CCBE1: variants seen among roughly 807,000 people sequenced by gnomAD.
CCBE1 encodes collagen and calcium-binding EGF domain-containing protein 1.
Under a neutral mutation model 50.0 loss-of-function variants are expected in CCBE1, and 37 were observed. The ratio of observed to expected loss-of-function variants is 0.74; its 90% CI spans 0.57 to 0.97. The LOEUF (loss-of-function observed/expected upper bound fraction) is 0.97. CCBE1 is among the 50% of genes least tolerant of loss of function. The pLI is 0.00. For synonymous variants in CCBE1, 234 were observed against 203.7 expected, an observed-to-expected ratio of 1.15 and a Z score of -1.27; for missense variants, 538 against 523.8, an observed-to-expected ratio of 1.03 and a Z score of -0.26.
intron 2 of CCBE1, among the ~76,000 whole-genome samples, chr18:59,625,543 A>C (rs905829910): frequency 6.6e-6 from 1 of 152,196 alleles, no homozygotes; most frequent in Non-Finnish European, 1.5e-5. Context: ...ATTAAAAGCA[A>C]GCAGCAAACT....
intron 7 of CCBE1, among the ~76,000 whole-genome samples, chr18:59,443,422 C>T (rs1418526691): frequency 4.6e-5 from 7 of 151,814 alleles, no homozygotes; most frequent in African/African-American, 1.4e-4. Flanking sequence ...GGGGGCCTGA[C>T]AAGCATTTTT....
intron 2 of CCBE1, among the ~76,000 whole-genome samples, chr18:59,633,144 A>G (rs1452041050): frequency 3.9e-5 from 6 of 152,216 alleles, no homozygotes; most frequent in Non-Finnish European, 7.3e-5. Context: ...ATCTTGTAAA[A>G]TCAGCTGTGG....
chr18:59,493,557 T>A (rs202141028), intron 2 of CCBE1, among the ~76,000 whole-genome samples: 1 of 147,020 alleles, frequency 6.8e-6, no homozygotes, highest in Non-Finnish European at 1.5e-5. Context: ...TTTTTTTTTT[T>A]AACAGGTGAG....
intron 2 of CCBE1, among the ~76,000 whole-genome samples, chr18:59,589,120 A>G (rs1046481116): frequency 2.0e-5 from 3 of 152,136 alleles, no homozygotes; most frequent in Non-Finnish European, 2.9e-5. Context: ...ACCCTTGGGG[A>G]TCCCTGTGGA....
intron 6 of CCBE1, among the ~76,000 whole-genome samples, chr18:59,448,680 C>G (rs1172694774): frequency 6.6e-6 from 1 of 152,194 alleles, no homozygotes; most frequent in Non-Finnish European, 1.5e-5. Context: ...GGAGTCAATT[C>G]TCCTTAATAA....
chr18:59,614,939 T>G (rs1348559065), intron 2 of CCBE1, among the ~76,000 whole-genome samples: 1 of 152,262 alleles, frequency 6.6e-6, no homozygotes, highest in Admixed American at 6.5e-5. Flanking sequence ...ATGTACCATT[T>G]CTTAGTCAAT....
chr18:59,475,607 C>A (rs1478754709), intron 3 of CCBE1, among the ~76,000 whole-genome samples: 1 of 152,238 alleles, frequency 6.6e-6, no homozygotes, highest in Non-Finnish European at 1.5e-5. Context: ...CAAATGCTAC[C>A]CCTTCAAGAA....
At chr18:59,560,162 C>G (rs2052712901) in intron 2 of CCBE1, among the ~76,000 whole-genome samples, 1 of 152,232 alleles carries the variant, frequency 6.6e-6, no homozygotes, top group African/African-American at 2.4e-5. Context: ...ACAAGCCCTA[C>G]AGGTAGTTAG....
At chr18:59,689,348 G>T (rs146185767) in intron 2 of CCBE1, among the ~76,000 whole-genome samples, 2 of 152,348 alleles carry the variant, frequency 1.3e-5, no homozygotes, top group South Asian at 4.1e-4. Flanking sequence ...AACGGATGTG[G>T]TCCCAGTTTC....
At chr18:59,638,385 T>C (rs1040638578) in intron 2 of CCBE1, among the ~76,000 whole-genome samples, 1 of 152,190 alleles carries the variant, frequency 6.6e-6, no homozygotes, top group Non-Finnish European at 1.5e-5. Flanking sequence ...TACTGCACAG[T>C]GTACTAGAGC....
chr18:59,497,628 CT>C (rs1447086185), intron 2 of CCBE1, among the ~76,000 whole-genome samples: 2 of 152,170 alleles, frequency 1.3e-5, no homozygotes, highest in African/African-American at 4.8e-5. Context: ...ACTATTCAAT[CT>C]TTTTGTTATG....
rs1220326155 is a variant in CCBE1, at chr18:59,435,925, T to C, written c.1204A>G (p.Arg402Gly). Residue 402 changes from arginine (R) to glycine (G), a missense_variant, in exon 11 of 11, where the codon AGA (arginine) becomes GGA (glycine). Physicochemically the swap from Arg to Gly is moderately radical, Grantham distance 125 (BLOSUM62 -2). Coordinates refer to ENST00000439986, the MANE Select transcript of CCBE1 (RefSeq NM_133459.4). ...RTETRDLRAP[R>G]DFYP ...GGGATGTGCTATGGGTAGAAGTCTCTGGGGGCTCTCAAGTCTCTTGTCTCA... is the reference window on the plus strand; with the variant it reads ...GGGATGTGCTATGGGTAGAAGTCTCCGGGGGCTCTCAAGTCTCTTGTCTCA... 3 of 1,614,158 alleles carry C rather than the reference T, an allele frequency of 1.9e-6. No individual in the cohort carries two copies. The highest frequency in any genetic ancestry group is 1.1e-5 in the South Asian group (1 of 91,072).
At chr18:59,492,725 G>A (rs183807707) in intron 2 of CCBE1, among the ~76,000 whole-genome samples, 21 of 152,278 alleles carry the variant, frequency 1.4e-4, no homozygotes, top group African/African-American at 4.8e-4. Context: ...TTCAATTACA[G>A]AAGCCCAATA....
At chr18:59,671,135 G>A (rs752522856) in intron 2 of CCBE1, among the ~76,000 whole-genome samples, 52 of 152,218 alleles carry the variant, frequency 3.4e-4, no homozygotes, top group Non-Finnish European at 6.9e-4. Context: ...TGGGTTTGGG[G>A]AAAGGGAGGC....
At chr18:59,469,739 G>C (rs116547003) in intron 3 of CCBE1, 132 bp from the exon 4 acceptor site, 1 of 1,211,402 alleles carries the variant, frequency 8.3e-7, no homozygotes, top group African/African-American at 1.5e-5. Context: ...TATACTTGGA[G>C]GGACAGGAAC....
intron 2 of CCBE1, among the ~76,000 whole-genome samples, chr18:59,527,728 T>A (rs1246571894): frequency 6.6e-6 from 1 of 152,220 alleles, no homozygotes; most frequent in Non-Finnish European, 1.5e-5. Context: ...ACTTTATTTC[T>A]CCTTCCAGTA....
chr18:59,557,283 C>T (rs1198270334), intron 2 of CCBE1, among the ~76,000 whole-genome samples: 1 of 152,200 alleles, frequency 6.6e-6, no homozygotes, highest in African/African-American at 2.4e-5. Flanking sequence ...GTGAGTTCAT[C>T]TTTCTTCTCC....
At chr18:59,528,979 T>C (rs1399272861) in intron 2 of CCBE1, among the ~76,000 whole-genome samples, 1 of 152,232 alleles carries the variant, frequency 6.6e-6, no homozygotes, top group Non-Finnish European at 1.5e-5. Flanking sequence ...CGAAGCACTC[T>C]GGCTGCCTCT....
chr18:59,500,885 C>G (rs1474501270), intron 2 of CCBE1, among the ~76,000 whole-genome samples: 2 of 152,226 alleles, frequency 1.3e-5, no homozygotes, highest in Admixed American at 6.5e-5. Flanking sequence ...GGTTTTGCTA[C>G]TGATGGTCCC....
Sources: allele counts gnomAD v4.1 joint callset (sites outside exome capture counted in the v4.1 genomes callset), GRCh38; gene constraint gnomAD v4.1.1; transcripts MANE v1.5; gene names NCBI Gene and HGNC (gene_info 2026-07-23, HGNC 2026-07-21).